FOXN3: variants seen among roughly 807,000 people sequenced by gnomAD.
FOXN3 encodes forkhead box protein N3.
Under a neutral mutation model 38.4 loss-of-function variants are expected in FOXN3, and 7 were observed. The observed-to-expected ratio is 0.18, with a 90% CI of 0.10 to 0.34. FOXN3 has a LOEUF of 0.34. Ranked by LOEUF, FOXN3 falls within the 10% of genes least tolerant of loss-of-function variation. The probability of loss-of-function intolerance (pLI) is 1.00; values close to 1 mark genes in which losing one functional copy is unlikely to be tolerated. For synonymous variants in FOXN3, 230 were observed against 242.2 expected (o/e 0.95, Z 0.47); for missense variants, 456 against 613.4 (o/e 0.74, Z 2.71).
At chr14:89,233,398 A>C (rs139129808) in intron 4 of FOXN3, among the ~76,000 whole-genome samples, 168 of 152,296 alleles carry the variant, frequency 1.1e-3, no homozygotes, top group African/African-American at 3.8e-3. Flanking sequence ...ACTCTGTAAT[A>C]CCTAGGTGTG....
intron 1 of FOXN3, among the ~76,000 whole-genome samples, chr14:89,485,246 T>C (rs1317867159): frequency 1.3e-5 from 2 of 151,158 alleles, no homozygotes; most frequent in Admixed American, 6.6e-5. Flanking sequence ...GTGGACAGGA[T>C]CCACTGCACC....
intron 3 of FOXN3, chr14:89,290,915 G>T (rs1330471210): frequency 1.0e-5 from 3 of 300,726 alleles, no homozygotes; most frequent in Admixed American, 8.6e-5. Context: ...AGGAGGTGAG[G>T]AGGATGTGGA....
intron 1 of FOXN3, among the ~76,000 whole-genome samples, chr14:89,531,253 G>C (rs926474571): frequency 3.8e-4 from 57 of 151,870 alleles, no homozygotes; most frequent in Non-Finnish European, 4.9e-4. Flanking sequence ...CAGCGTAGAA[G>C]CCCTGTGAAC....
intron 4 of FOXN3, among the ~76,000 whole-genome samples, chr14:89,247,363 C>T (rs909542314): frequency 1.1e-4 from 16 of 152,140 alleles, no homozygotes; most frequent in Non-Finnish European, 1.5e-4. Flanking sequence ...ACCAATAAAA[C>T]TGGGTTGCTA....
At position 89,158,995 on chromosome 14, in the gene FOXN3, T is replaced by C. The variant is rs1259593048; in HGVS notation, c.*3419A>G. The C allele has an allele frequency of 6.6e-6, 1 of 152,488 alleles. No homozygotes were observed. The highest frequency in any genetic ancestry group is 1.5e-5 in the Non-Finnish European group (1 of 68,038). 9.4% of individuals were successfully genotyped at this position (152,488 alleles called of 1,614,324 possible). ...GTGTTCAGGCGATCTGTCAGACTAA[T>C]GGATACATATGCTAGTTTGGAAGCT... On this transcript the variant is annotated 3_prime_UTR_variant, in exon 6 of 6. Coordinates refer to ENST00000557258, the MANE Select transcript of FOXN3 (RefSeq NM_005197.4).
chr14:89,326,033 T>C (rs899838436), intron 3 of FOXN3, among the ~76,000 whole-genome samples: 1 of 152,220 alleles, frequency 6.6e-6, no homozygotes, highest in Non-Finnish European at 1.5e-5. Context: ...TTACCGGTGA[T>C]GAAAGAACAC....
chr14:89,583,282 T>C (rs1199190437), intron 1 of FOXN3, among the ~76,000 whole-genome samples: 1 of 152,200 alleles, frequency 6.6e-6, no homozygotes, highest in Non-Finnish European at 1.5e-5. Flanking sequence ...TGCAGCATTG[T>C]TGAGAGGTGA....
chr14:89,392,460 A>G (rs890546918), intron 2 of FOXN3, among the ~76,000 whole-genome samples: 1 of 152,120 alleles, frequency 6.6e-6, no homozygotes, highest in African/African-American at 2.4e-5. Context: ...CTTGAAGCCT[A>G]AAATCCAGGT....
intron 1 of FOXN3, among the ~76,000 whole-genome samples, chr14:89,427,155 G>A (rs1310644893): frequency 6.6e-6 from 1 of 150,742 alleles, no homozygotes; most frequent in Admixed American, 6.6e-5. Flanking sequence ...CTCGAACCAG[G>A]GAGGTGGAGG....
chr14:89,612,885 C>T (rs1896420460), intron 1 of FOXN3, among the ~76,000 whole-genome samples: 1 of 151,248 alleles, frequency 6.6e-6, no homozygotes, highest in Non-Finnish European at 1.5e-5. Flanking sequence ...TTTGGGAGGC[C>T]GAGGTGGGCA....
At chr14:89,476,443 C>T (rs1041169401) in intron 1 of FOXN3, among the ~76,000 whole-genome samples, 3 of 152,340 alleles carry the variant, frequency 2.0e-5, no homozygotes, top group African/African-American at 7.2e-5. Flanking sequence ...AAAATGCTCT[C>T]GCGTGTACTA....
intron 3 of FOXN3, among the ~76,000 whole-genome samples, chr14:89,325,427 T>C (rs1888052535): frequency 6.7e-6 from 1 of 149,494 alleles, no homozygotes; most frequent in Non-Finnish European, 1.5e-5. Context: ...CCTCTAACTC[T>C]GCACTGTATC....
At chr14:89,559,352 T>C (rs1333716952) in intron 1 of FOXN3, among the ~76,000 whole-genome samples, 4 of 152,050 alleles carry the variant, frequency 2.6e-5, no homozygotes, top group African/African-American at 7.2e-5. Context: ...ACTCCAGCCT[T>C]GGCAGCAGAG....
At chr14:89,431,560 G>A (rs1178972648) in intron 1 of FOXN3, among the ~76,000 whole-genome samples, 1 of 152,102 alleles carries the variant, frequency 6.6e-6, no homozygotes, top group Non-Finnish European at 1.5e-5. Flanking sequence ...CCATTCTTTT[G>A]ACCCTCTGTG....
At chr14:89,455,407 C>CG (rs1378846735) in intron 1 of FOXN3, among the ~76,000 whole-genome samples, 1 of 152,192 alleles carries the variant, frequency 6.6e-6, no homozygotes, top group Non-Finnish European at 1.5e-5. Flanking sequence ...TGCTGTCATT[C>CG]GGGGGCTGGT....
chr14:89,367,743 G>C (rs926103459), intron 2 of FOXN3, among the ~76,000 whole-genome samples: 1 of 152,222 alleles, frequency 6.6e-6, no homozygotes, highest in Non-Finnish European at 1.5e-5. Flanking sequence ...CCTGGGAACA[G>C]TGGCAGCAAC....
At chr14:89,425,439 C>T (rs1045849376) in intron 1 of FOXN3, among the ~76,000 whole-genome samples, 2 of 151,886 alleles carry the variant, frequency 1.3e-5, no homozygotes, top group African/African-American at 4.8e-5. Context: ...TCAATCTCGG[C>T]TCACCGCGAC....
chr14:89,461,758 G>A (rs964387165), intron 1 of FOXN3, among the ~76,000 whole-genome samples: 3 of 152,100 alleles, frequency 2.0e-5, no homozygotes, highest in Non-Finnish European at 4.4e-5. Flanking sequence ...CAGGGGCAAC[G>A]ATCTGGACAG....
At chr14:89,223,760 G>A (rs901199885) in intron 4 of FOXN3, among the ~76,000 whole-genome samples, 10 of 152,126 alleles carry the variant, frequency 6.6e-5, no homozygotes, top group South Asian at 2.1e-4. Flanking sequence ...CGTCCTCATG[G>A]GAAGCAGGTC....
Sources: allele counts gnomAD v4.1 joint callset (sites outside exome capture counted in the v4.1 genomes callset), GRCh38; gene constraint gnomAD v4.1.1; transcripts MANE v1.5; gene names NCBI Gene and HGNC (gene_info 2026-07-23, HGNC 2026-07-21).